OR2V1: variants seen among roughly 807,000 people sequenced by gnomAD.
The protein encoded by OR2V1 is olfactory receptor family 2 subfamily V member 1.
In OR2V1, 18 loss-of-function variants were observed where a neutral mutation model predicts 15.0. The observed-to-expected ratio is 1.20, with a 90% CI of 0.83 to 1.78. OR2V1 has a LOEUF of 1.78. Ranked by LOEUF, OR2V1 falls within the 40% of genes most tolerant of loss-of-function variation. The pLI is 0.00. For missense variants in OR2V1, 359 were observed against 392.9 expected, an observed-to-expected ratio of 0.91 and a Z score of 0.73; for synonymous variants, 144 against 146.1, an observed-to-expected ratio of 0.99 and a Z score of 0.10.
At chr5:181,129,634 A>G (rs1273942106) in intron 2 of OR2V1, 59 bp from the exon 3 acceptor site, 3 of 152,274 alleles carry the variant, frequency 2.0e-5, no homozygotes, top group African/African-American at 7.2e-5. Flanking sequence ...CTTGCCTCTC[A>G]CTGGCTTATC....
chr5:181,125,254 G>A lies in OR2V1; in HGVS notation c.51C>T (p.Gly17=), dbSNP rs751472001. ...GGTCAGTCTGGCTGTGGGAAAAGAT[G>A]CCCAAGAGGAAGAAGCCATCTGTGT... is the stretch of plus-strand genomic sequence containing the variant. The part of the protein sequence containing the change: ...QSYTDGFFLL[G]IFSHSQTDLV... The change falls in exon 4 of 4, where the codon GGC becomes GGT. Residue 17 remains glycine, a synonymous_variant. Coordinates refer to ENST00000641551, the MANE Select transcript of OR2V1 (RefSeq NM_001258283.2). 17 of 1,613,810 alleles carry A rather than the reference G, an allele frequency of 1.1e-5. No individual in the cohort carries two copies. In the East Asian group the frequency reaches 1.3e-4, roughly 13 times the overall value.
rs564571908 is a variant in OR2V1 at position 181,124,862 on chromosome 5, C to T, written c.443G>A (p.Ser148Asn). 2.5e-6 allele frequency: 4 copies of T among 1,608,050 alleles called. No individual in the cohort carries two copies. Among genetic ancestry groups the T allele is most frequent in the Admixed American group, 3.4e-5 (2 of 58,800 alleles). ...ATCTATTATCCCAAAGGCCCAGGAG[C>T]TCCCAGTAATCTGGAGACAGACCCT... Reference protein sequence around the residue: ...NQRVCLQITGSSWAFGIIDGV... With the variant: ...NQRVCLQITGNSWAFGIIDGV... Residue 148 changes from serine to asparagine, a missense_variant, in exon 4 of 4, where the codon AGC becomes AAC. By Grantham distance (46) the Ser-to-Asn change is conservative. Coordinates refer to ENST00000641551, the MANE Select transcript of OR2V1 (RefSeq NM_001258283.2).
chr5:181,127,464 G>T (rs1762890558), intron 3 of OR2V1, among the ~76,000 whole-genome samples: 1 of 152,184 alleles, frequency 6.6e-6, no homozygotes, highest in Non-Finnish European at 1.5e-5. Context: ...TTATCTGTAA[G>T]GCCTCTGCGT....
Position 181,131,085 on chromosome 5 carries a change from T to C in OR2V1, c.-156A>G, listed in dbSNP as rs1484088110. ...GTCGGGTGGAGCCTGGGGGCCTGGTTGGGATCCTCATAAACCTGACAGGCG... is the reference window on the plus strand; with the variant it reads ...GTCGGGTGGAGCCTGGGGGCCTGGTCGGGATCCTCATAAACCTGACAGGCG... On this transcript the variant is annotated 5_prime_UTR_variant, in exon 1 of 4. Transcript: ENST00000641551. 1.3e-5 allele frequency: 2 copies of C among 152,384 alleles called. No individual in the cohort carries two copies. Among genetic ancestry groups the C allele is most frequent in the Middle Eastern group, 3.4e-3 (1 of 294 alleles). 9.4% of individuals were successfully genotyped at this position (152,384 alleles called of 1,614,324 possible).
At position 181,129,774 on chromosome 5, in the gene OR2V1, G is replaced by C. The variant is rs374012433; in HGVS notation, c.-77-199C>G. On this transcript the variant is annotated intron_variant, in intron 2 of 3. Coordinates refer to ENST00000641551, the MANE Select transcript of OR2V1 (RefSeq NM_001258283.2). Reference sequence around the variant, plus strand: ...ATTCTCCCCGGCACGGGAGGACCCCGTCCCACATCAGCCCCCTCCTTCCTG... The same window carrying C: ...ATTCTCCCCGGCACGGGAGGACCCCCTCCCACATCAGCCCCCTCCTTCCTG... Among the ~76,000 whole-genome samples, 3 of 152,134 alleles carry C rather than the reference G, an allele frequency of 2.0e-5. No homozygotes were observed. In the East Asian group the frequency reaches 5.8e-4, roughly 29 times the overall value.
At position 181,125,228 on chromosome 5, in the gene OR2V1, A is replaced by C. The variant is rs765565031; in HGVS notation, c.77T>G (p.Leu26Arg). 1 of 1,614,142 alleles carries C rather than the reference A, an allele frequency of 6.2e-7. No individual in the cohort carries two copies. The highest frequency in any genetic ancestry group is 1.1e-5 in the South Asian group (1 of 91,082). Residue 26 changes from leucine to arginine, a missense_variant, in exon 4 of 4, where the codon CTT becomes CGT. Transcript: ENST00000641551. The part of the protein sequence containing the change: ...LGIFSHSQTD[L>R]VLFSAVMVVF... ...CACCATAACTGCAGAGAAGAGGACAAGGTCAGTCTGGCTGTGGGAAAAGAT... is the reference window on the plus strand; with the variant it reads ...CACCATAACTGCAGAGAAGAGGACACGGTCAGTCTGGCTGTGGGAAAAGAT...
Position 181,124,884 on chromosome 5 carries a change from C to T in OR2V1, c.421G>A (p.Val141Ile), listed in dbSNP as rs766900701. The change falls in exon 4 of 4, where the codon GTC becomes ATC. Residue 141 changes from valine (V) to isoleucine (I), a missense_variant. Val to Ile is a conservative substitution (Grantham distance 29, BLOSUM62 3). Transcript: ENST00000641551. Reference sequence around the variant, plus strand: ...GAGCTCCCAGTAATCTGGAGACAGACCCTCTGATTCATGAGGATGGGATAG... The same window carrying T: ...GAGCTCCCAGTAATCTGGAGACAGATCCTCTGATTCATGAGGATGGGATAG... Reference protein sequence around the residue: ...LHYPILMNQRVCLQITGSSWA... With the variant: ...LHYPILMNQRICLQITGSSWA... 2 of 1,612,328 alleles carry T rather than the reference C, an allele frequency of 1.2e-6. No individual in the cohort carries two copies. The highest frequency in any genetic ancestry group is 1.3e-5 in the African/African-American group (1 of 74,910).
rs1762856001 is a variant in OR2V1, at chr5:181,125,090, A to T, written c.215T>A (p.Leu72His). Reference sequence around the variant, plus strand: ...TGGCACAATGTTACAGACCAACATGAGGTCCATGAGGGAGAGCTGGCTGAG... The same window carrying T: ...TGGCACAATGTTACAGACCAACATGTGGTCCATGAGGGAGAGCTGGCTGAG... The part of the protein sequence containing the change: ...FFLSQLSLMD[L>H]MLVCNIVPKM... The change falls in exon 4 of 4, where the codon CTC (leucine) becomes CAC (histidine). Residue 72 changes from leucine to histidine, a missense_variant. Physicochemically the swap from Leu to His is moderately conservative, Grantham distance 99. Coordinates refer to ENST00000641551, the MANE Select transcript of OR2V1 (RefSeq NM_001258283.2). The T allele has an allele frequency of 6.2e-7, 1 of 1,614,106 alleles. No homozygotes were observed. Among genetic ancestry groups the T allele is most frequent in the Non-Finnish European group, 8.5e-7 (1 of 1,180,050 alleles).
rs1266494074 is a variant in OR2V1 at position 181,123,849 on chromosome 5, G to A, written c.*508C>T. 4 of 152,320 alleles carry A rather than the reference G, an allele frequency of 2.6e-5. No homozygotes were observed. The highest frequency in any genetic ancestry group is 2.6e-4 in the Admixed American group (4 of 15,282). The allele number at this position is 152,320 out of a possible 1,614,324, so 9.4% of individuals were successfully genotyped here. Reference sequence around the variant, plus strand: ...ATAGGGACTCAATTTCTGCCATTTAGAAAGTTTCCACTTAAGATATCCACA... The same window carrying A: ...ATAGGGACTCAATTTCTGCCATTTAAAAAGTTTCCACTTAAGATATCCACA... On this transcript the variant is annotated 3_prime_UTR_variant, in exon 4 of 4. Transcript: ENST00000641551.
chr5:181,125,296 T>C lies in OR2V1; in HGVS notation c.9A>G (p.Arg3=), dbSNP rs1762859833. The C allele has an allele frequency of 1.2e-6, 2 of 1,611,250 alleles. No individual in the cohort carries two copies. The highest frequency in any genetic ancestry group is 1.7e-6 in the Non-Finnish European group (2 of 1,178,440). Residue 3 remains arginine (R), a synonymous_variant, in exon 4 of 4, where the codon AGA becomes AGG. Transcript: ENST00000641551. MG[R]WVNQSYTDGF... ...CATCTGTGTAGGACTGGTTCACCCA[T>C]CTTCCCATGGCTTAGTTGTTCACTG... is the stretch of plus-strand genomic sequence containing the variant.
At position 181,127,508 on chromosome 5, in the gene OR2V1, A is replaced by G. The variant is rs111719290; in HGVS notation, c.-22+2012T>C. Among the ~76,000 whole-genome samples, 68 of 152,108 alleles carry G rather than the reference A, an allele frequency of 4.5e-4. 2 individuals carry two copies. Among genetic ancestry groups the G allele is most frequent in the Non-Finnish European group, 1.9e-4 (13 of 68,016 alleles). ...ATTCACGTCCACCTTACCTCACTGC[A>G]GCGTTAAATGAGGCTGCTCCACGGG... On this transcript the variant is annotated intron_variant, in intron 3 of 3. Transcript: ENST00000641551.
intron 3 of OR2V1, among the ~76,000 whole-genome samples, chr5:181,127,812 T>C (rs1363537): frequency 0.66 from 99,177 of 150,984 alleles, 33,381 homozygotes; most frequent in African/African-American, 0.81. Flanking sequence ...CAAACCAGGT[T>C]CCCCCAGATC....
intron 1 of OR2V1, among the ~76,000 whole-genome samples, chr5:181,130,827 C>CA (rs1410776002): frequency 4.0e-5 from 6 of 151,688 alleles, no homozygotes; most frequent in Non-Finnish European, 8.8e-5. Flanking sequence ...CATTGCCCCC[C>CA]CACACACACA....
Position 181,125,123 on chromosome 5 carries a change from T to A in OR2V1, c.182A>T (p.Tyr61Phe), listed in dbSNP as rs113622680. 5.4e-4 allele frequency: 868 copies of A among 1,614,082 alleles called. 5 individuals are homozygous for A. In the African/African-American group the frequency reaches 9.4e-3, roughly 18 times the overall value. ...GAGGGAGAGCTGGCTGAGGAAGAAG[T>A]ACATGGGGGTGTGAAGTCCAGCGTC... ...YLDAGLHTPM[Y>F]FFLSQLSLMD... The change falls in exon 4 of 4, where the codon TAC (tyrosine) becomes TTC (phenylalanine). Residue 61 changes from tyrosine (Y) to phenylalanine (F), a missense_variant. Tyr to Phe is a conservative substitution (Grantham distance 22). Coordinates refer to ENST00000641551, the MANE Select transcript of OR2V1 (RefSeq NM_001258283.2).
chr5:181,126,448 AC>A (rs1762871778), intron 3 of OR2V1, among the ~76,000 whole-genome samples: 1 of 151,778 alleles, frequency 6.6e-6, no homozygotes, highest in East Asian at 1.9e-4. Context: ...ACACACACAC[AC>A]ACACACACAG....
rs1018432253 is a variant in OR2V1, at chr5:181,126,219, G to A, written c.-21-894C>T. Among the ~76,000 whole-genome samples, 5 of 152,132 alleles carry A rather than the reference G, an allele frequency of 3.3e-5. No homozygotes were observed. The East Asian group carries it at 9.7e-4, about 29-fold the overall frequency. On this transcript the variant is annotated intron_variant, in intron 3 of 3. Transcript: ENST00000641551. ...TGGTCCCAGCCACCCTCCTTTTTCTGATGGGTTATTGTAGCCTCTTCCCTG... is the reference window on the plus strand; with the variant it reads ...TGGTCCCAGCCACCCTCCTTTTTCTAATGGGTTATTGTAGCCTCTTCCCTG...
chr5:181,128,779 C>T (rs575759882), intron 3 of OR2V1, among the ~76,000 whole-genome samples: 1 of 152,336 alleles, frequency 6.6e-6, no homozygotes, highest in African/African-American at 2.4e-5. Context: ...ATATGCAAGG[C>T]AGGCCCCAGG....
In OR2V1 at chr5:181,124,234, C is replaced by G; in HGVS notation, c.*123G>C. The stretch of plus-strand genomic sequence containing the variant: ...TCATAATGGCTTTTCTCATGATGGC[C>G]AAAACCTATAAACCATCCAATGACC... On this transcript the variant is annotated 3_prime_UTR_variant, in exon 4 of 4. Transcript: ENST00000641551. 2.1e-6 allele frequency: 2 copies of G among 943,218 alleles called. No homozygotes were observed. Among genetic ancestry groups the G allele is most frequent in the Non-Finnish European group, 1.5e-6 (1 of 689,218 alleles). The allele number at this position is 943,218 out of a possible 1,614,324, so 58.4% of individuals were successfully genotyped here. A position where few individuals can be genotyped will look rare whatever the true frequency, so the allele number is the denominator to read the frequency against.
chr5:181,127,749 C>T (rs1033819023), intron 3 of OR2V1, among the ~76,000 whole-genome samples: 13 of 151,936 alleles, frequency 8.6e-5, no homozygotes, highest in Non-Finnish European at 1.6e-4. Flanking sequence ...ATTCCCACAG[C>T]GACCAAGCAC....
Sources: gnomAD v4.1 joint callset for allele counts (sites outside exome capture counted in the v4.1 genomes callset) on GRCh38, gnomAD v4.1.1 for gene constraint, MANE v1.5 for transcripts, NCBI Gene and HGNC (gene_info 2026-07-23, HGNC 2026-07-21) for gene names.